Variants in KANSL1 observed in about 807,000 individuals in gnomAD.
KANSL1 encodes KAT8 regulatory NSL complex subunit 1, also known as MLL1/MLL complex subunit KANSL1.
Under a neutral mutation model 103.6 loss-of-function variants are expected in KANSL1, and 22 were observed. The ratio of observed to expected loss-of-function variants is 0.21; its 90% CI spans 0.15 to 0.30. KANSL1 has a LOEUF of 0.30. Among genes scored for constraint, KANSL1 ranks in the 10% least tolerant of loss-of-function variants. The pLI is 1.00. For missense variants in KANSL1, 1,337 were observed against 1,399.8 expected (o/e 0.96, Z 0.72); for synonymous variants, 600 against 527.6 (o/e 1.14, Z -1.88).
At chr17:46,103,895 G>T (rs1029837666) in intron 2 of KANSL1, among the ~76,000 whole-genome samples, 1 of 152,180 alleles carries the variant, frequency 6.6e-6, no homozygotes, top group African/African-American at 2.4e-5. Flanking sequence ...AGGCGTGGTG[G>T]CCTGGGCCTG....
At chr17:46,117,326 G>C (rs1401656404) in intron 2 of KANSL1, among the ~76,000 whole-genome samples, 3 of 152,232 alleles carry the variant, frequency 2.0e-5, no homozygotes, top group Admixed American at 2.0e-4. Flanking sequence ...CTTAAAAGCT[G>C]CCAGACTTAT....
chr17:46,099,469 T>C (rs1247890768), intron 2 of KANSL1, among the ~76,000 whole-genome samples: 1 of 152,194 alleles, frequency 6.6e-6, no homozygotes, highest in Non-Finnish European at 1.5e-5. Context: ...GGGACACACA[T>C]TGAACATTAG....
At chr17:46,207,239 C>T (rs1287757055) in intron 1 of KANSL1, among the ~76,000 whole-genome samples, 3 of 152,288 alleles carry the variant, frequency 2.0e-5, no homozygotes, top group South Asian at 4.1e-4. Context: ...GGGCCGGGTG[C>T]GGTGGCTCAC....
At chr17:46,149,367 G>A (rs537227054) in intron 2 of KANSL1, among the ~76,000 whole-genome samples, 2 of 152,208 alleles carry the variant, frequency 1.3e-5, no homozygotes, top group Admixed American at 6.5e-5. Context: ...GAAGGCATGG[G>A]TTTATACCCT....
intron 10 of KANSL1, 181 bp from the exon 11 acceptor site, chr17:46,034,466 G>A (rs1026996000): frequency 1.2e-4 from 68 of 569,352 alleles, no homozygotes; most frequent in Middle Eastern, 9.7e-4. Flanking sequence ...AAAACCTCAC[G>A]GAGAAATACC....
chr17:46,216,597 T>A (rs2458204), intron 1 of KANSL1, among the ~76,000 whole-genome samples: 21,125 of 124,268 alleles, frequency 0.17, 2,079 homozygotes, highest in Middle Eastern at 0.27. Context: ...AGACTCCGTC[T>A]CAAAAAAAAA....
chr17:46,198,136 G>A (rs573872319), upstream of KANSL1, among the ~76,000 whole-genome samples: 1 of 152,050 alleles, frequency 6.6e-6, no homozygotes, highest in Non-Finnish European at 1.5e-5. Context: ...AAATGAAAAA[G>A]GTAGAGTGTA....
intron 7 of KANSL1, among the ~76,000 whole-genome samples, chr17:46,046,528 CAAAAAAAAAAA>C (rs58711350): frequency 3.6e-4 from 12 of 33,176 alleles, no homozygotes; most frequent in South Asian, 2.6e-3. Flanking sequence ...GAGACTCTGT[CAAAAAAAAAAA>C]AAAAAAAAAA....
chr17:46,041,534 T>C (rs2077314896), intron 7 of KANSL1: 1 of 152,124 alleles, frequency 6.6e-6, no homozygotes, highest in Admixed American at 6.5e-5. Flanking sequence ...AGAGTCCCTA[T>C]CCACTGCTTC....
Position 46,089,565 on chromosome 17 carries a change from CAAAAAA to C in KANSL1, c.1431+4989_1431+4994del, listed in dbSNP as rs370478201. ...TTCAGCCTATCACCTAGGTTCATCTCAAAAAAAAAAAAAAGACCTGTGCAACCCAGG... is the reference window on the plus strand; with the variant it reads ...TTCAGCCTATCACCTAGGTTCATCTCAAAAAAAAGACCTGTGCAACCCAGG... On this transcript the variant is annotated intron_variant, in intron 3 of 14. Transcript: ENST00000432791. 1.7e-3 allele frequency among the ~76,000 whole-genome samples: 221 copies of C among 126,738 alleles called. 1 individual carries two copies. Among genetic ancestry groups the C allele is most frequent in the African/African-American group, 6.5e-3 (213 of 32,724 alleles). 83.1% of individuals were successfully genotyped at this position (126,738 alleles called of 152,430 possible).
intron 1 of KANSL1, chr17:46,215,166 C>G (rs1374982534): frequency 6.6e-6 from 1 of 152,320 alleles, no homozygotes; most frequent in Non-Finnish European, 1.5e-5. Flanking sequence ...TATACTTGGA[C>G]CAGCCACTAC....
At chr17:46,071,526 C>A (rs1027635119) in intron 4 of KANSL1, among the ~76,000 whole-genome samples, 5 of 152,118 alleles carry the variant, frequency 3.3e-5, no homozygotes. Context: ...AGGCACTCTC[C>A]CTTGAGAAAA....
intron 2 of KANSL1, among the ~76,000 whole-genome samples, chr17:46,161,513 T>C (rs2045743431): frequency 3.9e-5 from 6 of 152,100 alleles, no homozygotes; most frequent in Admixed American, 3.9e-4. Context: ...GGTTTAAGAC[T>C]AATTCAGTCC....
intron 2 of KANSL1, among the ~76,000 whole-genome samples, chr17:46,108,447 C>A (rs1338542854): frequency 6.6e-6 from 1 of 152,158 alleles, no homozygotes. Context: ...CTCCAAATAC[C>A]CCCTACACAC....
chr17:46,125,505 C>T (rs2043513704), intron 2 of KANSL1, among the ~76,000 whole-genome samples: 1 of 152,112 alleles, frequency 6.6e-6, no homozygotes, highest in African/African-American at 2.4e-5. Context: ...AAAGGCACTC[C>T]CCCTAAATCT....
intron 6 of KANSL1, among the ~76,000 whole-genome samples, chr17:46,061,803 A>T (rs2078166212): frequency 1.3e-5 from 2 of 152,158 alleles, no homozygotes; most frequent in African/African-American, 2.4e-5. Context: ...CATAATAGTT[A>T]CAGATTGGCC....
intron 7 of KANSL1, chr17:46,045,613 T>C (rs924633493): frequency 1.3e-5 from 2 of 152,160 alleles, no homozygotes; most frequent in African/African-American, 4.8e-5. Context: ...GGGGGAGTGT[T>C]CCCTATCTTT....
chr17:46,089,838 C>T (rs1453045316), intron 3 of KANSL1, among the ~76,000 whole-genome samples: 1 of 152,202 alleles, frequency 6.6e-6, no homozygotes, highest in African/African-American at 2.4e-5. Context: ...AAATGCTTAG[C>T]ACAGTGCCTG....
At chr17:46,033,278 G>A (rs1291068495) in intron 12 of KANSL1, 86 bp from the exon 13 acceptor site, 4 of 1,432,030 alleles carry the variant, frequency 2.8e-6, no homozygotes, top group Middle Eastern at 1.8e-4. Context: ...TCCCGGTCAC[G>A]ACAGGAATAC....
Sources: allele counts gnomAD v4.1 joint callset (sites outside exome capture counted in the v4.1 genomes callset), GRCh38; gene constraint gnomAD v4.1.1; transcripts MANE v1.5; gene names NCBI Gene and HGNC (gene_info 2026-07-23, HGNC 2026-07-21).